Variants in RUFY3 observed in about 807,000 individuals in gnomAD.
RUFY3 encodes protein RUFY3.
In RUFY3, 34 loss-of-function variants were observed where a neutral mutation model predicts 84.0. That is an observed-to-expected ratio of 0.40 (90% CI 0.31 to 0.54). RUFY3 has a LOEUF of 0.54. Among genes scored for constraint, RUFY3 ranks in the 20% least tolerant of loss-of-function variants. The pLI is 0.39. For missense variants in RUFY3, 507 were observed against 736.8 expected, an observed-to-expected ratio of 0.69 and a Z score of 3.61; for synonymous variants, 242 against 252.9, an observed-to-expected ratio of 0.96 and a Z score of 0.41.
rs978279689 is a variant in RUFY3, at chr4:70,806,718, T to C, written c.*59T>C. On this transcript the variant is annotated 3_prime_UTR_variant, in exon 18 of 18. Transcript: ENST00000381006. ...TGCAGGCTCCTCTGTACCTGTGTTT[T>C]AGCTGTCAGGATCTCATAGAGCCCA... 7.5e-6 allele frequency: 12 copies of C among 1,595,576 alleles called. No homozygotes were observed. In the African/African-American group the frequency reaches 1.2e-4, roughly 16 times the overall value.
At chr4:70,707,568 C>T (rs895005762) in intron 1 of RUFY3, among the ~76,000 whole-genome samples, 4 of 152,006 alleles carry the variant, frequency 2.6e-5, no homozygotes, top group Admixed American at 2.0e-4. Flanking sequence ...TTTGTTACCA[C>T]GTAAGTTCTA....
At chr4:70,741,718 T>C (rs1721348547) in intron 1 of RUFY3, 2 of 1,430,364 alleles carry the variant, frequency 1.4e-6, no homozygotes, top group Non-Finnish European at 9.1e-7. Context: ...TTTTTCTCCT[T>C]GCTTTTTAAA....
chr4:70,730,698 C>T (rs1388497791), intron 1 of RUFY3, among the ~76,000 whole-genome samples: 1 of 151,978 alleles, frequency 6.6e-6, no homozygotes, highest in Non-Finnish European at 1.5e-5. Context: ...GAGATTGCAC[C>T]ACCGCACTCA....
chr4:70,799,660 C>T (rs1578259837), intron 14 of RUFY3: 1 of 156,292 alleles, frequency 6.4e-6, no homozygotes, highest in African/African-American at 2.4e-5. Flanking sequence ...CACCAGTGCA[C>T]TCCAGCCTGG....
intron 12 of RUFY3, chr4:70,792,789 C>T (rs1731019926): frequency 1.0e-6 from 1 of 985,148 alleles, no homozygotes; most frequent in African/African-American, 1.7e-5. Context: ...AAAATTAAGT[C>T]CAAAGAACAT....
chr4:70,739,806 A>T (rs1043292018), intron 1 of RUFY3, among the ~76,000 whole-genome samples: 1 of 149,314 alleles, frequency 6.7e-6, no homozygotes, highest in Non-Finnish European at 1.5e-5. Flanking sequence ...CTACCAGACC[A>T]TGTACTCCAG....
chr4:70,734,889 C>A (rs562519212), intron 1 of RUFY3, among the ~76,000 whole-genome samples: 3 of 152,304 alleles, frequency 2.0e-5, no homozygotes, highest in Admixed American at 2.0e-4. Context: ...TTTTCTGGAC[C>A]TTTCGTGAAA....
rs751255517 is a variant in RUFY3 at position 70,806,503 on chromosome 4, C to T, written c.1720-13C>T. The T allele has an allele frequency of 1.2e-5, 20 of 1,613,722 alleles. No individual in the cohort carries two copies. The Admixed American group carries it at 3.3e-4, about 27-fold the overall frequency. ...TCATCTTCTATTCCCCGCCTAACCT[C>T]CTCTTCTCATAGAATGTGTGTAAGA... is the stretch of plus-strand genomic sequence containing the variant. On this transcript the variant is annotated splice_polypyrimidine_tract_variant and intron_variant, in intron 17 of 17. Coordinates refer to ENST00000381006, the MANE Select transcript of RUFY3 (RefSeq NM_001037442.4).
At chr4:70,784,170 G>A (rs1272758583) in intron 9 of RUFY3, among the ~76,000 whole-genome samples, 1 of 152,186 alleles carries the variant, frequency 6.6e-6, no homozygotes, top group African/African-American at 2.4e-5. Context: ...TCTGGAGATT[G>A]AATGTATTAA....
intron 14 of RUFY3, among the ~76,000 whole-genome samples, chr4:70,797,628 A>T (rs74968185): frequency 0.041 from 6,283 of 151,922 alleles, 295 homozygotes; most frequent in East Asian, 0.2. Context: ...GCAGATCATG[A>T]GGTCAAGAGT....
upstream of RUFY3, chr4:70,704,742 T>G (rs1740053119): frequency 2.8e-6 from 1 of 351,478 alleles, no homozygotes; most frequent in East Asian, 4.7e-5. Context: ...TCCCTCCAGC[T>G]GGCTTGGACC....
At chr4:70,783,595 T>C (rs1729296740) in intron 9 of RUFY3, among the ~76,000 whole-genome samples, 1 of 152,252 alleles carries the variant, frequency 6.6e-6, no homozygotes, top group South Asian at 2.1e-4. Context: ...CTTAATTCCT[T>C]AAAGTATCAA....
rs181551093 is a variant in RUFY3, at chr4:70,726,358, A to G, written c.178+3607A>G. On this transcript the variant is annotated intron_variant, in intron 1 of 17. Coordinates refer to ENST00000381006, the MANE Select transcript of RUFY3 (RefSeq NM_001037442.4). ...GATTGTGACTAACAAAAGCACTACC[A>G]TCACTCTTTTTTTTCTTTTTTTTGA... 2.5e-3 allele frequency among the ~76,000 whole-genome samples: 377 copies of G among 152,210 alleles called. 3 individuals carry two copies. The highest frequency in any genetic ancestry group is 0.011 in the South Asian group (55 of 4,820).
intron 1 of RUFY3, among the ~76,000 whole-genome samples, chr4:70,733,119 AGG>A (rs1427399909): frequency 0.012 from 705 of 58,288 alleles, 1 homozygote; most frequent in Non-Finnish European, 0.014. Context: ...AGAGAGAGAG[AGG>A]GAGGGAGGGA....
chr4:70,778,290 G>C (rs1728307525), intron 7 of RUFY3, 79 bp from the exon 8 acceptor site: 1 of 652,426 alleles, frequency 1.5e-6, no homozygotes, highest in Admixed American at 2.6e-5. Context: ...TGAAGGATAA[G>C]TGTGAAGGGT....
chr4:70,806,698 G>C lies in RUFY3; in HGVS notation c.*39G>C. 1 of 1,612,282 alleles carries C rather than the reference G, an allele frequency of 6.2e-7. No homozygotes were observed. The highest frequency in any genetic ancestry group is 1.1e-5 in the South Asian group (1 of 90,850). On this transcript the variant is annotated 3_prime_UTR_variant, in exon 18 of 18. Transcript: ENST00000381006. ...GACCTGGACCAAAACGTTTATGCAGGCTCCTCTGTACCTGTGTTTTAGCTG... is the reference window on the plus strand; with the variant it reads ...GACCTGGACCAAAACGTTTATGCAGCCTCCTCTGTACCTGTGTTTTAGCTG...
chr4:70,766,280 T>C (rs1344682273), intron 4 of RUFY3, among the ~76,000 whole-genome samples: 1 of 152,190 alleles, frequency 6.6e-6, no homozygotes, highest in African/African-American at 2.4e-5. Context: ...ACTCGCGCTC[T>C]GTCACCCAGG....
At position 70,739,889 on chromosome 4, in the gene RUFY3, G is replaced by T. The variant is rs550655235; in HGVS notation, c.178+17138G>T. On this transcript the variant is annotated intron_variant, in intron 1 of 17. Coordinates refer to ENST00000381006, the MANE Select transcript of RUFY3 (RefSeq NM_001037442.4). ...GCCTATAATCCCAGCTACTCTGGAG[G>T]CTGAGGCAGGATAATTGCTTCAACC... 1.3e-4 allele frequency among the ~76,000 whole-genome samples: 20 copies of T among 150,938 alleles called. No homozygotes were observed. In the South Asian group the frequency reaches 4.0e-3, roughly 30 times the overall value.
chr4:70,804,954 A>C (rs1360453297), intron 17 of RUFY3, among the ~76,000 whole-genome samples: 2 of 152,126 alleles, frequency 1.3e-5, no homozygotes, highest in Non-Finnish European at 2.9e-5. Flanking sequence ...ACAAACAAAA[A>C]TAATTATGTA....
Sources: allele counts gnomAD v4.1 joint callset (sites outside exome capture counted in the v4.1 genomes callset), GRCh38; gene constraint gnomAD v4.1.1; transcripts MANE v1.5; gene names NCBI Gene and HGNC (gene_info 2026-07-23, HGNC 2026-07-21).